The following DDHD1 variants were observed in gnomAD, a reference collection of about 807,000 sequenced individuals.
DDHD1 encodes DDHD domain containing 1.
DDHD1 carries 49 observed loss-of-function variants against 96.4 expected under a neutral mutation model. That is an observed-to-expected ratio of 0.51 (90% CI 0.40 to 0.64). The LOEUF (loss-of-function observed/expected upper bound fraction) is 0.64. DDHD1 is among the 30% of genes least tolerant of loss of function. DDHD1 has a pLI of 0.00. For missense variants in DDHD1, 1,106 were observed against 1,161.2 expected (o/e 0.95, Z 0.69); for synonymous variants, 442 against 446.5 (o/e 0.99, Z 0.13).
chr14:53,068,230 G>C (rs886241912), intron 6 of DDHD1, among the ~76,000 whole-genome samples: 3 of 132,738 alleles, frequency 2.3e-5, no homozygotes, highest in Non-Finnish European at 4.7e-5. Context: ...GCAGCCACTC[G>C]GCCTTTATGA....
intron 1 of DDHD1, among the ~76,000 whole-genome samples, chr14:53,127,649 C>G (rs1889551265): frequency 6.6e-6 from 1 of 152,116 alleles, no homozygotes; most frequent in Non-Finnish European, 1.5e-5. Context: ...AAATAAAAAC[C>G]TTATGCCATG....
At chr14:53,114,393 A>T (rs1888387153) in intron 1 of DDHD1, among the ~76,000 whole-genome samples, 2 of 152,182 alleles carry the variant, frequency 1.3e-5, no homozygotes, top group African/African-American at 4.8e-5. Flanking sequence ...CTGCTAAGGG[A>T]CAGGCTGCCT....
At chr14:53,093,232 C>T (rs966187690) in intron 3 of DDHD1, 84 bp downstream of exon 3, 6 of 1,385,026 alleles carry the variant, frequency 4.3e-6, no homozygotes, top group Non-Finnish European at 5.8e-6. Flanking sequence ...ATACTAAAAA[C>T]AGAATATGAA....
intron 1 of DDHD1, among the ~76,000 whole-genome samples, chr14:53,109,716 T>C (rs1268116369): frequency 1.3e-5 from 2 of 152,146 alleles, no homozygotes; most frequent in Non-Finnish European, 2.9e-5. Context: ...AACAATAATC[T>C]TAAAAGGCTA....
chr14:53,087,060 A>G (rs1442290220), intron 4 of DDHD1, among the ~76,000 whole-genome samples: 1 of 148,440 alleles, frequency 6.7e-6, no homozygotes, highest in Non-Finnish European at 1.5e-5. Flanking sequence ...AAAGAGACAA[A>G]GAAGGACGTT....
rs2139783296 is a variant in DDHD1, at chr14:53,039,825, C to T, written c.*6943G>A. The T allele has an allele frequency of 6.6e-6, 1 of 152,342 alleles. No homozygotes were observed. Among genetic ancestry groups the T allele is most frequent in the African/African-American group, 2.4e-5 (1 of 41,550 alleles). The allele number at this position is 152,342 out of a possible 1,614,324, so 9.4% of individuals were successfully genotyped here. ...CATCAGACCTATGTGTCCCTATCCC[C>T]TTTCTCATAAACAATGCCTCTGAAA... On this transcript the variant is annotated 3_prime_UTR_variant, in exon 13 of 13. Transcript: ENST00000673822.
chr14:53,148,080 T>C (rs935666319), intron 1 of DDHD1, among the ~76,000 whole-genome samples: 1 of 152,172 alleles, frequency 6.6e-6, no homozygotes, highest in Non-Finnish European at 1.5e-5. Context: ...TTCTAAAGCA[T>C]CTGAAACTGA....
At chr14:53,129,922 C>T (rs1889737831) in intron 1 of DDHD1, among the ~76,000 whole-genome samples, 1 of 152,198 alleles carries the variant, frequency 6.6e-6, no homozygotes, top group South Asian at 2.1e-4. Flanking sequence ...TCTGAGGTGC[C>T]CGACGTCCAG....
At chr14:53,048,338 G>GTTT (rs34204835) in intron 12 of DDHD1, among the ~76,000 whole-genome samples, 6 of 130,478 alleles carry the variant, frequency 4.6e-5, no homozygotes, top group Non-Finnish European at 6.7e-5. Context: ...TTTTTGGGCT[G>GTTT]TTTTTTTTTT....
intron 11 of DDHD1, chr14:53,052,869 AG>A (rs1475940288): frequency 1.3e-5 from 2 of 151,970 alleles, no homozygotes; most frequent in Non-Finnish European, 1.5e-5. Context: ...TATTTTGTTA[AG>A]CTCTCAAAAT....
chr14:53,112,971 GT>G (rs1263235343), intron 1 of DDHD1, among the ~76,000 whole-genome samples: 2 of 150,946 alleles, frequency 1.3e-5, no homozygotes, highest in South Asian at 4.2e-4. Flanking sequence ...CTTTTTTTTT[GT>G]TTTTTGAGAC....
chr14:53,086,092 G>T (rs1457860273), intron 4 of DDHD1, among the ~76,000 whole-genome samples: 1 of 152,096 alleles, frequency 6.6e-6, no homozygotes, highest in Non-Finnish European at 1.5e-5. Flanking sequence ...GAAAAGAGAA[G>T]TTAAGAGAAA....
intron 3 of DDHD1, chr14:53,092,428 A>T (rs1886508193): frequency 6.6e-6 from 1 of 152,186 alleles, no homozygotes. Flanking sequence ...TTAAAATTTT[A>T]AAATAGGATA....
chr14:53,107,836 G>C (rs1309838096), intron 1 of DDHD1, among the ~76,000 whole-genome samples: 1 of 152,036 alleles, frequency 6.6e-6, no homozygotes, highest in African/African-American at 2.4e-5. Flanking sequence ...CTTTAAACAC[G>C]GGGCTTGCAA....
chr14:53,055,546 A>C (rs1343197821), intron 10 of DDHD1, 114 bp downstream of exon 10: 1 of 1,044,138 alleles, frequency 9.6e-7, no homozygotes, highest in Non-Finnish European at 1.4e-6. Context: ...TTAATTCTAG[A>C]CACAGGGATT....
At chr14:53,101,943 T>C (rs1363723514) in intron 2 of DDHD1, among the ~76,000 whole-genome samples, 2 of 151,928 alleles carry the variant, frequency 1.3e-5, no homozygotes, top group Non-Finnish European at 2.9e-5. Flanking sequence ...GAACACAGAA[T>C]GAGAAAGGGG....
intron 4 of DDHD1, among the ~76,000 whole-genome samples, chr14:53,082,424 C>A (rs1595140723): frequency 7.0e-6 from 1 of 143,072 alleles, no homozygotes; most frequent in Non-Finnish European, 1.5e-5. Flanking sequence ...AAATCATGAA[C>A]AGTGATCTCC....
intron 7 of DDHD1, 41 bp from the exon 8 acceptor site, chr14:53,061,242 A>G: frequency 1.3e-6 from 2 of 1,519,522 alleles, no homozygotes; most frequent in Non-Finnish European, 1.8e-6. Flanking sequence ...ACGTATTTAT[A>G]ATTTCATAAA....
chr14:53,147,193 T>C (rs1891056651), intron 1 of DDHD1, among the ~76,000 whole-genome samples: 1 of 152,162 alleles, frequency 6.6e-6, no homozygotes, highest in Admixed American at 6.6e-5. Flanking sequence ...TCCAGATTTT[T>C]CTTGCTCTCC....
Sources: gnomAD v4.1 joint callset for allele counts (sites outside exome capture counted in the v4.1 genomes callset) on GRCh38, gnomAD v4.1.1 for gene constraint, MANE v1.5 for transcripts, NCBI Gene and HGNC (gene_info 2026-07-23, HGNC 2026-07-21) for gene names.